Variants in RASGRF1 observed in about 807,000 individuals in gnomAD.
The protein encoded by RASGRF1 is ras-specific guanine nucleotide-releasing factor 1.
Under a neutral mutation model 138.7 loss-of-function variants are expected in RASGRF1, and 40 were observed. The observed-to-expected ratio is 0.29, with a 90% CI of 0.22 to 0.38. The LOEUF is 0.38. Among genes scored for constraint, RASGRF1 ranks in the 10% least tolerant of loss-of-function variants. RASGRF1 has a pLI of 1.00. For missense variants in RASGRF1, 1,108 were observed against 1,650.4 expected (o/e 0.67, Z 5.69); for synonymous variants, 614 against 663.2 (o/e 0.93, Z 1.14).
Position 79,090,709 on chromosome 15 carries a change from C to G in RASGRF1, c.-211G>C, listed in dbSNP as rs1485315585. 1 of 671,336 alleles carries G rather than the reference C, an allele frequency of 1.5e-6. No individual in the cohort carries two copies. The highest frequency in any genetic ancestry group is 2.4e-6 in the Non-Finnish European group (1 of 411,472). 41.6% of individuals were successfully genotyped at this position (671,336 alleles called of 1,614,324 possible). A position where few individuals can be genotyped will look rare whatever the true frequency, so the allele number is the denominator to read the frequency against. Reference sequence around the variant, plus strand: ...ACCATTCCCCGCTGGAACCTCTTCTCCGCTCCGCAGAGCCCCAGTACCCGG... The same window carrying G: ...ACCATTCCCCGCTGGAACCTCTTCTGCGCTCCGCAGAGCCCCAGTACCCGG... On this transcript the variant is annotated 5_prime_UTR_variant, in exon 1 of 27. Transcript: ENST00000558480.
rs562142582 is a variant in RASGRF1 at position 79,014,364 on chromosome 15, A to T, written c.1826+963T>A. ...CAAATGTCCATCAATCAATGAGTGGATAAAGAAATTGTGTTATATTTATAT... is the reference window on the plus strand; with the variant it reads ...CAAATGTCCATCAATCAATGAGTGGTTAAAGAAATTGTGTTATATTTATAT... On this transcript the variant is annotated intron_variant, in intron 13 of 26. Coordinates refer to ENST00000558480, the MANE Select transcript of RASGRF1 (RefSeq NM_001145648.3). 9.2e-5 allele frequency among the ~76,000 whole-genome samples: 14 copies of T among 152,384 alleles called. No individual in the cohort carries two copies. The East Asian group carries it at 2.7e-3, about 29-fold the overall frequency.
intron 15 of RASGRF1, among the ~76,000 whole-genome samples, chr15:79,003,571 C>G (rs902898010): frequency 6.6e-6 from 1 of 152,242 alleles, no homozygotes; most frequent in Non-Finnish European, 1.5e-5. Context: ...TGTGGCGATG[C>G]CCTGGGAATT....
intron 10 of RASGRF1, among the ~76,000 whole-genome samples, chr15:79,024,541 T>A (rs1474663657): frequency 6.6e-6 from 1 of 152,154 alleles, no homozygotes; most frequent in Non-Finnish European, 1.5e-5. Flanking sequence ...ATAATCCCCA[T>A]GTGTCATGGG....
At chr15:78,963,107 C>T (rs2055579117) in intron 26 of RASGRF1, among the ~76,000 whole-genome samples, 1 of 152,046 alleles carries the variant, frequency 6.6e-6, no homozygotes, top group African/African-American at 2.4e-5. Flanking sequence ...TCTCCTCTCT[C>T]CCCACCCCAC....
In RASGRF1 at chr15:78,982,833, G is replaced by A. The variant is rs189817362; in HGVS notation, c.3415-2134C>T. Among the ~76,000 whole-genome samples the A allele has an allele frequency of 7.9e-5, 12 of 152,160 alleles. 1 individual carries two copies. The East Asian group carries it at 2.1e-3, about 27-fold the overall frequency. Reference sequence around the variant, plus strand: ...CAGGAGAGGCGACACACAAATCCACGTTAGTCATTGTACTGTCGTATGGAA... The same window carrying A: ...CAGGAGAGGCGACACACAAATCCACATTAGTCATTGTACTGTCGTATGGAA... On this transcript the variant is annotated intron_variant, in intron 23 of 26. Coordinates refer to ENST00000558480, the MANE Select transcript of RASGRF1 (RefSeq NM_001145648.3).
intron 16 of RASGRF1, among the ~76,000 whole-genome samples, 189 bp downstream of exon 16, chr15:79,001,473 C>T (rs913473471): frequency 6.6e-6 from 1 of 151,696 alleles, no homozygotes; most frequent in African/African-American, 2.4e-5. Flanking sequence ...CCAGTGCCCA[C>T]AGCCCCTTCC....
intron 1 of RASGRF1, among the ~76,000 whole-genome samples, chr15:79,079,805 TAAAAG>T (rs995426671): frequency 6.6e-6 from 1 of 152,190 alleles, no homozygotes; most frequent in African/African-American, 2.4e-5. Context: ...AAATTTAAAA[TAAAAG>T]AAAGCAATGG....
chr15:78,982,772 G>A (rs1358127371), intron 23 of RASGRF1, among the ~76,000 whole-genome samples: 1 of 152,098 alleles, frequency 6.6e-6, no homozygotes, highest in Non-Finnish European at 1.5e-5. Flanking sequence ...GTTAGCCAAG[G>A]CGAGGCTTTT....
At chr15:79,045,412 CTTT>C (rs2057343885) in intron 5 of RASGRF1, among the ~76,000 whole-genome samples, 1 of 152,218 alleles carries the variant, frequency 6.6e-6, no homozygotes, top group Admixed American at 6.5e-5. Flanking sequence ...ACCTAATTCT[CTTT>C]TTTGTTGTTG....
chr15:79,031,550 G>C lies in RASGRF1; in HGVS notation c.1153-41C>G, dbSNP rs747982994. The C allele has an allele frequency of 2.7e-6, 4 of 1,455,028 alleles. No homozygotes were observed. The East Asian group carries it at 9.3e-5, about 34-fold the overall frequency. The allele number at this position is 1,455,028 out of a possible 1,614,324, so 90.1% of individuals were successfully genotyped here. On this transcript the variant is annotated intron_variant, in intron 7 of 26. Transcript: ENST00000558480. ...AGAGGTGAGGGTGGAGAAAGAGCCA[G>C]GGAAGTATGGCCGGGGAGCAAGGCA...
intron 1 of RASGRF1, among the ~76,000 whole-genome samples, chr15:79,075,717 G>C (rs1029327328): frequency 3.3e-5 from 5 of 152,162 alleles, no homozygotes; most frequent in Non-Finnish European, 5.9e-5. Flanking sequence ...CTAAAGCCAA[G>C]ACAGTCCTGA....
chr15:79,072,173 G>A (rs1166830717), intron 1 of RASGRF1, among the ~76,000 whole-genome samples: 1 of 151,508 alleles, frequency 6.6e-6, no homozygotes, highest in Non-Finnish European at 1.5e-5. Context: ...GGAGAGAACT[G>A]AGGAGCATTA....
rs1196595573 is a variant in RASGRF1 at position 78,995,755 on chromosome 15, C to A, written c.3012G>T (p.Glu1004Asp). The change falls in exon 20 of 27, where the codon GAG becomes GAT. Residue 1004 changes from glutamate (E) to aspartate (D), a missense_variant. This residue lies in a region of RASGRF1 where 686 missense variants were observed against 976.7 expected (regional missense o/e 0.70). Coordinates refer to ENST00000558480, the MANE Select transcript of RASGRF1 (RefSeq NM_001145648.3). ...CCCAGCTCACCATCTGCGTGATCTC[C>A]TCCAGCGTGATCTGGTTGTCACCTG... ...EDPGDNQITL[E>D]EITQMAEGVK... 1 of 1,614,198 alleles carries A rather than the reference C, an allele frequency of 6.2e-7. No individual in the cohort carries two copies. Among genetic ancestry groups the A allele is most frequent in the Non-Finnish European group, 8.5e-7 (1 of 1,180,030 alleles).
intron 19 of RASGRF1, among the ~76,000 whole-genome samples, chr15:78,996,212 G>A (rs1308402072): frequency 6.6e-6 from 1 of 152,226 alleles, no homozygotes; most frequent in East Asian, 1.9e-4. Flanking sequence ...TGGGGAGGCA[G>A]CAGCATGGCA....
At chr15:79,052,812 G>A (rs749671255) in intron 3 of RASGRF1, among the ~76,000 whole-genome samples, 3 of 152,184 alleles carry the variant, frequency 2.0e-5, no homozygotes, top group Non-Finnish European at 4.4e-5. Context: ...TCTTGGGAAT[G>A]GGGGATGGCA....
chr15:79,049,122 G>A (rs1013190251), intron 4 of RASGRF1, among the ~76,000 whole-genome samples: 2 of 152,170 alleles, frequency 1.3e-5, no homozygotes, highest in Non-Finnish European at 2.9e-5. Flanking sequence ...GGGGTGGCAT[G>A]CCAGGGAGTG....
chr15:79,088,686 C>G (rs1837633821), intron 1 of RASGRF1, among the ~76,000 whole-genome samples: 1 of 152,120 alleles, frequency 6.6e-6, no homozygotes, highest in African/African-American at 2.4e-5. Flanking sequence ...GCTGCAGGCC[C>G]CGGGTAGGTA....
Position 79,090,425 on chromosome 15 carries a change from C to A in RASGRF1, c.74G>T (p.Arg25Leu), listed in dbSNP as rs377356891. 3 of 1,613,270 alleles carry A rather than the reference C, an allele frequency of 1.9e-6. No homozygotes were observed. The highest frequency in any genetic ancestry group is 2.5e-6 in the Non-Finnish European group (3 of 1,179,994). ...ACTCCGCTTGCTCAGGTAGCCTTTG[C>A]GCGTGCCGTCCTTGCGCGCCAGCAG... Reference protein sequence around the residue: ...LGLLARKDGTRKGYLSKRSSD... With the variant: ...LGLLARKDGTLKGYLSKRSSD... Residue 25 changes from arginine to leucine, a missense_variant, in exon 1 of 27, where the codon CGC (arginine) becomes CTC (leucine). Around this residue, in one of 3 missense-constraint regions of RASGRF1, gnomAD observed 253 missense variants for 329.5 expected, o/e 0.77. Transcript: ENST00000558480.
Position 79,008,312 on chromosome 15 carries a change from C to T in RASGRF1, c.1827-1878G>A, listed in dbSNP as rs73465361. The stretch of plus-strand genomic sequence containing the variant: ...TATCGAGTGCCTTCAATGAGCAGGG[C>T]AGTGGGATTTCTTTTTAGGATGAGA... On this transcript the variant is annotated intron_variant, in intron 13 of 26. Coordinates refer to ENST00000558480, the MANE Select transcript of RASGRF1 (RefSeq NM_001145648.3). Among the ~76,000 whole-genome samples the T allele has an allele frequency of 1.1e-3, 174 of 152,270 alleles. 1 individual carries two copies. Among genetic ancestry groups the T allele is most frequent in the African/African-American group, 3.9e-3 (160 of 41,556 alleles).
Sources: allele counts gnomAD v4.1 joint callset (sites outside exome capture counted in the v4.1 genomes callset), GRCh38; gene constraint gnomAD v4.1.1; regional missense constraint gnomAD v4.1.1; transcripts MANE v1.5; gene names NCBI Gene and HGNC (gene_info 2026-07-23, HGNC 2026-07-21).